ZNF277: variants seen among roughly 807,000 people sequenced by gnomAD.
ZNF277 encodes the protein nuclear receptor-interacting factor 4.
In ZNF277, 55 loss-of-function variants were observed where a neutral mutation model predicts 60.7. The observed-to-expected ratio is 0.91, with a 90% CI of 0.73 to 1.13. The LOEUF (loss-of-function observed/expected upper bound fraction) is 1.13, where lower values mean the gene tolerates loss of function less well. ZNF277 is among the 50% of genes most tolerant of loss of function. The pLI is 0.00. For missense variants in ZNF277, 510 were observed against 523.0 expected (o/e 0.98, Z 0.24); for synonymous variants, 178 against 179.3 (o/e 0.99, Z 0.06).
At chr7:112,323,405 G>C (rs1793029488) in intron 5 of ZNF277, among the ~76,000 whole-genome samples, 1 of 152,140 alleles carries the variant, frequency 6.6e-6, no homozygotes, top group African/African-American at 2.4e-5. Flanking sequence ...TTTTTTCAAT[G>C]GGTGGACTGA....
chr7:112,271,391 T>C (rs1398101373), intron 1 of ZNF277, among the ~76,000 whole-genome samples: 1 of 152,210 alleles, frequency 6.6e-6, no homozygotes, highest in African/African-American at 2.4e-5. Context: ...CACATATTTG[T>C]AGAGGATTCT....
chr7:112,256,286 A>G (rs960267072), intron 1 of ZNF277, among the ~76,000 whole-genome samples: 2 of 152,126 alleles, frequency 1.3e-5, no homozygotes, highest in African/African-American at 4.8e-5. Flanking sequence ...AATGTCTTAT[A>G]CATAGAAATA....
At chr7:112,271,688 C>A (rs1563211010) in intron 1 of ZNF277, among the ~76,000 whole-genome samples, 1 of 152,172 alleles carries the variant, frequency 6.6e-6, no homozygotes, top group Non-Finnish European at 1.5e-5. Context: ...AAATGGAGGA[C>A]ATGAATCTAG....
At chr7:112,242,879 G>C (rs988139671) in intron 1 of ZNF277, among the ~76,000 whole-genome samples, 2 of 151,838 alleles carry the variant, frequency 1.3e-5, no homozygotes, top group African/African-American at 4.8e-5. Flanking sequence ...TAAGCAAAAA[G>C]GACAAAGCTG....
At chr7:112,255,722 T>G (rs1438492721) in intron 1 of ZNF277, among the ~76,000 whole-genome samples, 1 of 152,232 alleles carries the variant, frequency 6.6e-6, no homozygotes, top group Non-Finnish European at 1.5e-5. Flanking sequence ...AGACCCTCAC[T>G]GTATCTCACC....
intron 1 of ZNF277, among the ~76,000 whole-genome samples, chr7:112,280,303 A>T (rs1300832011): frequency 6.6e-6 from 1 of 152,144 alleles, no homozygotes; most frequent in Non-Finnish European, 1.5e-5. Context: ...GCTTCCCTAG[A>T]ATAATAATTT....
At chr7:112,307,527 T>TC (rs1375654362) in intron 4 of ZNF277, among the ~76,000 whole-genome samples, 1 of 151,974 alleles carries the variant, frequency 6.6e-6, no homozygotes, top group African/African-American at 2.4e-5. Context: ...GGATTCTCCC[T>TC]CCTTAGCCTA....
intron 1 of ZNF277, among the ~76,000 whole-genome samples, chr7:112,251,827 T>A (rs574157548): frequency 7.9e-5 from 12 of 152,354 alleles, no homozygotes; most frequent in Non-Finnish European, 1.3e-4. Flanking sequence ...ATTTTATAGA[T>A]CTATGAAATT....
In ZNF277 at chr7:112,206,853, C is replaced by G. The variant is rs201693300; in HGVS notation, c.91+46C>G. On this transcript the variant is annotated intron_variant, in intron 1 of 11. Transcript: ENST00000361822. ...GCGCGGCTGATGTGTCTTCCTTTCT[C>G]TATGACCGGGTGTGCAACGGACCTC... 3.2e-6 allele frequency: 5 copies of G among 1,587,122 alleles called. No individual in the cohort carries two copies. The Admixed American group carries it at 6.8e-5, about 21-fold the overall frequency.
At chr7:112,331,817 A>G (rs905072098) in intron 7 of ZNF277, among the ~76,000 whole-genome samples, 1 of 152,238 alleles carries the variant, frequency 6.6e-6, no homozygotes, top group East Asian at 1.9e-4. Flanking sequence ...AGAAATATTC[A>G]GCTACTGCAT....
chr7:112,322,702 G>A (rs913190245), intron 5 of ZNF277, among the ~76,000 whole-genome samples: 3 of 152,038 alleles, frequency 2.0e-5, no homozygotes, highest in African/African-American at 7.2e-5. Context: ...TGTCTGGTGT[G>A]TCAACATCTG....
chr7:112,253,470 C>T (rs943497860), intron 1 of ZNF277, among the ~76,000 whole-genome samples: 1 of 152,114 alleles, frequency 6.6e-6, no homozygotes, highest in African/African-American at 2.4e-5. Context: ...TGTTATTTTT[C>T]TCTCTCTCTG....
chr7:112,332,858 C>G (rs1478626493), intron 7 of ZNF277, among the ~76,000 whole-genome samples: 3 of 152,092 alleles, frequency 2.0e-5, no homozygotes, highest in Non-Finnish European at 4.4e-5. Flanking sequence ...AGGCACTAAA[C>G]TAGAGGGGTG....
chr7:112,318,118 T>G (rs1237661765), intron 4 of ZNF277, 64 bp from the exon 5 acceptor site: 1 of 1,388,448 alleles, frequency 7.2e-7, no homozygotes, highest in African/African-American at 1.4e-5. Flanking sequence ...CATCCAGACT[T>G]TGACATTTTT....
At chr7:112,317,238 A>G (rs1461387787) in intron 4 of ZNF277, among the ~76,000 whole-genome samples, 1 of 152,142 alleles carries the variant, frequency 6.6e-6, no homozygotes, top group Non-Finnish European at 1.5e-5. Flanking sequence ...ACCATGGCAC[A>G]TGTGGCACAT....
At chr7:112,321,076 C>T (rs1473884614) in intron 5 of ZNF277, among the ~76,000 whole-genome samples, 1 of 151,486 alleles carries the variant, frequency 6.6e-6, no homozygotes, top group Non-Finnish European at 1.5e-5. Context: ...CGCCCGCAAC[C>T]ACGCCCGGCA....
rs529613303 is a variant in ZNF277, at chr7:112,247,333, A to T, written c.92-39540A>T. Among the ~76,000 whole-genome samples the T allele has an allele frequency of 6.0e-4, 92 of 152,310 alleles. 1 individual carries two copies. In the South Asian group the frequency reaches 0.017, roughly 29 times the overall value. ...TGGTCAACATTAGCTAGGGTAGATT[A>T]AAATAGGTGCAGAAAAGTTCAAACA... On this transcript the variant is annotated intron_variant, in intron 1 of 11. Transcript: ENST00000361822.
At chr7:112,242,123 CAT>C (rs1790970158) in intron 1 of ZNF277, among the ~76,000 whole-genome samples, 1 of 151,892 alleles carries the variant, frequency 6.6e-6, no homozygotes, top group Non-Finnish European at 1.5e-5. Flanking sequence ...TAAATAAACA[CAT>C]ATACTGTTTA....
chr7:112,319,300 G>T (rs1792920727), intron 5 of ZNF277, among the ~76,000 whole-genome samples: 1 of 151,900 alleles, frequency 6.6e-6, no homozygotes, highest in South Asian at 2.1e-4. Flanking sequence ...CCTACCATGA[G>T]TCTCCTCATT....
Sources: gnomAD v4.1 joint callset for allele counts (sites outside exome capture counted in the v4.1 genomes callset) on GRCh38, gnomAD v4.1.1 for gene constraint, MANE v1.5 for transcripts, NCBI Gene and HGNC (gene_info 2026-07-23, HGNC 2026-07-21) for gene names.